Variants in MAST2 observed in about 807,000 individuals in gnomAD.
MAST2 encodes microtubule associated serine/threonine kinase 2, also known as microtubule-associated serine/threonine-protein kinase 2.
In MAST2, 70 loss-of-function variants were observed where a neutral mutation model predicts 147.4. That is an observed-to-expected ratio of 0.47 (90% CI 0.39 to 0.58). The LOEUF is 0.58. MAST2 is among the 20% of genes least tolerant of loss of function. MAST2 has a pLI of 0.00. For missense variants in MAST2, 2,080 were observed against 2,302.3 expected (o/e 0.90, Z 1.98); for synonymous variants, 869 against 896.8 (o/e 0.97, Z 0.55).
chr1:45,939,048 TG>T (rs1656728946), intron 4 of MAST2, among the ~76,000 whole-genome samples: 1 of 152,160 alleles, frequency 6.6e-6, no homozygotes, highest in African/African-American at 2.4e-5. Context: ...ATGCAAAAAT[TG>T]ATAATTTTTT....
In MAST2 at chr1:46,034,708, G is replaced by A; in HGVS notation, c.4039G>A (p.Ala1347Thr). 1 of 1,614,038 alleles carries A rather than the reference G, an allele frequency of 6.2e-7. No homozygotes were observed. The highest frequency in any genetic ancestry group is 8.5e-7 in the Non-Finnish European group (1 of 1,179,994). ...SAGSIPLSPL[A>T]HTPSPPPPTA... ...AGGCAGCATCCCACTGTCACCACTGGCCCACACCCCTTCTCCCCCACCCCC... is the reference window on the plus strand; with the variant it reads ...AGGCAGCATCCCACTGTCACCACTGACCCACACCCCTTCTCCCCCACCCCC... Residue 1347 changes from alanine (A) to threonine (T), a missense_variant, in exon 29 of 29, where the codon GCC becomes ACC. Physicochemically the swap from Ala to Thr is moderately conservative, Grantham distance 58. Transcript: ENST00000361297.
At chr1:45,849,471 A>G (rs1271301291) in intron 3 of MAST2, among the ~76,000 whole-genome samples, 1 of 152,136 alleles carries the variant, frequency 6.6e-6, no homozygotes, top group Admixed American at 6.5e-5. Context: ...AAAACAAGTA[A>G]TGATACTGGG....
At chr1:45,945,887 C>T (rs543356410) in intron 4 of MAST2, among the ~76,000 whole-genome samples, 11 of 152,258 alleles carry the variant, frequency 7.2e-5, no homozygotes, top group Admixed American at 3.9e-4. Context: ...ACTATGTTAT[C>T]AGGGCAGTCT....
At chr1:45,965,068 A>G (rs912456560) in intron 5 of MAST2, among the ~76,000 whole-genome samples, 3 of 152,268 alleles carry the variant, frequency 2.0e-5, no homozygotes, top group African/African-American at 7.2e-5. Context: ...GTTTGATTGC[A>G]CTGTGGTGTG....
chr1:46,029,023 T>C lies in MAST2; in HGVS notation c.2218+90T>C. 4 of 1,392,756 alleles carry C rather than the reference T, an allele frequency of 2.9e-6. No homozygotes were observed. The East Asian group carries it at 9.3e-5, about 32-fold the overall frequency. 86.3% of individuals were successfully genotyped at this position (1,392,756 alleles called of 1,614,324 possible). A position where few individuals can be genotyped will look rare whatever the true frequency, so the allele number is the denominator to read the frequency against. On this transcript the variant is annotated intron_variant, in intron 18 of 28. Transcript: ENST00000361297. ...GGCAGCTCGTGAGGCCTGTGAGCTC[T>C]TGTTCTGAACTCATCATGTGTGTTT...
At chr1:45,945,978 C>T (rs529228709) in intron 4 of MAST2, among the ~76,000 whole-genome samples, 24 of 152,338 alleles carry the variant, frequency 1.6e-4, no homozygotes, top group Middle Eastern at 3.4e-3. Flanking sequence ...TCTATAGTCT[C>T]ACTGGCTGCT....
At chr1:45,952,833 C>A (rs553540429) in intron 4 of MAST2, among the ~76,000 whole-genome samples, 1 of 152,246 alleles carries the variant, frequency 6.6e-6, no homozygotes, top group East Asian at 1.9e-4. Flanking sequence ...CTATCAGATC[C>A]TCTCTGAAAT....
At chr1:45,879,117 C>G (rs796226102) in intron 3 of MAST2, among the ~76,000 whole-genome samples, 33 of 150,990 alleles carry the variant, frequency 2.2e-4, no homozygotes, top group African/African-American at 7.3e-4. Context: ...AAAAATAGAT[C>G]AGTAGGATGC....
rs1297797729 is a variant in MAST2 at position 46,031,902 on chromosome 1, A to G, written c.3188-276A>G. On this transcript the variant is annotated intron_variant, in intron 24 of 28. Coordinates refer to ENST00000361297, the MANE Select transcript of MAST2 (RefSeq NM_015112.3). The surrounding 1 kb of genome is among the most constrained non-coding windows in gnomAD (Gnocchi z 4.1). ...GTTTCTTATCCAAAAATGTGGATAT[A>G]ATAGAGGCCAGCTGATAGGTTGTGA... Among the ~76,000 whole-genome samples, 1 of 152,224 alleles carries G rather than the reference A, an allele frequency of 6.6e-6. No individual in the cohort carries two copies. Among genetic ancestry groups the G allele is most frequent in the Non-Finnish European group, 1.5e-5 (1 of 68,044 alleles).
At chr1:45,915,827 A>G (rs1382925511) in intron 4 of MAST2, among the ~76,000 whole-genome samples, 1 of 152,202 alleles carries the variant, frequency 6.6e-6, no homozygotes, top group Non-Finnish European at 1.5e-5. Context: ...TAAGGCTTCA[A>G]AATTTTGTAC....
At chr1:45,982,106 C>T (rs1644433329) in intron 5 of MAST2, among the ~76,000 whole-genome samples, 1 of 152,186 alleles carries the variant, frequency 6.6e-6, no homozygotes, top group Non-Finnish European at 1.5e-5. Flanking sequence ...GCCTCGGCCT[C>T]CCAAAGTGCT....
chr1:45,955,014 C>G (rs1249651691), intron 4 of MAST2, among the ~76,000 whole-genome samples: 1 of 150,314 alleles, frequency 6.7e-6, no homozygotes, highest in Admixed American at 6.7e-5. Context: ...ATCCTTGTAA[C>G]AAATCATACT....
chr1:45,874,580 A>G (rs1646523008), intron 3 of MAST2, among the ~76,000 whole-genome samples: 1 of 152,182 alleles, frequency 6.6e-6, no homozygotes, highest in African/African-American at 2.4e-5. Context: ...GCAGGACCCT[A>G]TTGTCTTATA....
intron 5 of MAST2, among the ~76,000 whole-genome samples, chr1:45,994,433 T>C (rs1404056975): frequency 6.6e-6 from 1 of 151,930 alleles, no homozygotes; most frequent in Admixed American, 6.6e-5. Flanking sequence ...ATTACAGGCA[T>C]GTGCCAGCAC....
intron 4 of MAST2, among the ~76,000 whole-genome samples, chr1:45,885,916 G>C (rs1449444241): frequency 6.6e-6 from 1 of 152,128 alleles, no homozygotes; most frequent in Non-Finnish European, 1.5e-5. Flanking sequence ...CCAGATATCA[G>C]AGAGGAGGAT....
chr1:45,842,022 A>G (rs376293322), intron 3 of MAST2, among the ~76,000 whole-genome samples: 1 of 152,170 alleles, frequency 6.6e-6, no homozygotes, highest in Non-Finnish European at 1.5e-5. Flanking sequence ...AGAGAAGTCT[A>G]ATTACTTTTC....
At chr1:45,864,404 CT>C (rs1646076654) in intron 3 of MAST2, among the ~76,000 whole-genome samples, 1 of 152,144 alleles carries the variant, frequency 6.6e-6, no homozygotes, top group Non-Finnish European at 1.5e-5. Context: ...AAGAAAGAGG[CT>C]TTCGTTACTG....
At chr1:45,829,603 AT>A in intron 3 of MAST2, 22 bp downstream of exon 3, 2 of 1,596,812 alleles carry the variant, frequency 1.3e-6, no homozygotes, top group Non-Finnish European at 1.7e-6. Context: ...TAAAGGTGGC[AT>A]TTTGCTCTAT....
chr1:45,867,949 G>C (rs1398715225), intron 3 of MAST2, among the ~76,000 whole-genome samples: 2 of 152,122 alleles, frequency 1.3e-5, no homozygotes, highest in African/African-American at 4.8e-5. Flanking sequence ...TCTGTGTTTT[G>C]GCCTCATTCT....
Sources: gnomAD v4.1 joint callset for allele counts (sites outside exome capture counted in the v4.1 genomes callset) on GRCh38, gnomAD v4.1.1 for gene constraint, Gnocchi (gnomAD v3.1) non-coding constraint, MANE v1.5 for transcripts, NCBI Gene and HGNC (gene_info 2026-07-23, HGNC 2026-07-21) for gene names.